The following MAP3K15 variants were observed in gnomAD, a reference collection of about 807,000 sequenced individuals.
MAP3K15 encodes the protein mitogen-activated protein kinase kinase kinase 15, also known as MAPK/ERK kinase kinase 15.
In MAP3K15, 124 loss-of-function variants were observed where a neutral mutation model predicts 99.5. The ratio of observed to expected loss-of-function variants is 1.25; its 90% CI spans 1.08 to 1.45. The LOEUF is 1.45. Among genes scored for constraint, MAP3K15 ranks in the 40% most tolerant of loss-of-function variants. The pLI is 0.00. For synonymous variants in MAP3K15, 494 were observed against 439.6 expected (o/e 1.12, Z -1.55); for missense variants, 1,242 against 1,079.7 (o/e 1.15, Z -2.11).
intron 6 of MAP3K15, among the ~76,000 whole-genome samples, chrX:19,436,797 C>T (rs2063925581): frequency 9.0e-6 from 1 of 111,623 alleles, no homozygotes. Context: ...CATGCCTCAG[C>T]CTCCCAAGTA....
At chrX:19,457,572 A>C (rs1029402359) in intron 5 of MAP3K15, among the ~76,000 whole-genome samples, 2 of 111,995 alleles carry the variant, frequency 1.8e-5, no homozygotes, top group African/African-American at 6.5e-5. Context: ...AGATTGTGCC[A>C]CTGCATTCCA....
At chrX:19,512,609 G>A (rs769247041) in intron 1 of MAP3K15, among the ~76,000 whole-genome samples, 1 of 109,333 alleles carries the variant, frequency 9.1e-6, no homozygotes, top group South Asian at 4.0e-4. Context: ...CAGGTAGCTG[G>A]GACCACAGGC....
At chrX:19,507,670 G>C (rs1006053827) in intron 1 of MAP3K15, among the ~76,000 whole-genome samples, 1 of 101,128 alleles carries the variant, frequency 9.9e-6, no homozygotes, top group African/African-American at 3.7e-5. Context: ...AGTATGATGT[G>C]TCAACATATG....
intron 1 of MAP3K15, among the ~76,000 whole-genome samples, chrX:19,509,751 A>G (rs2064505179): frequency 9.0e-6 from 1 of 111,663 alleles, no homozygotes; most frequent in East Asian, 2.8e-4. Flanking sequence ...ATTGGAGCAG[A>G]ACTGAAGGAA....
At chrX:19,510,637 C>G (rs750839631) in intron 1 of MAP3K15, among the ~76,000 whole-genome samples, 1 of 111,796 alleles carries the variant, frequency 8.9e-6, no homozygotes, top group South Asian at 3.7e-4. Context: ...CTGGCACAAG[C>G]CAGGGATGCC....
At position 19,488,918 on chromosome X, in the gene MAP3K15, G is replaced by T. The variant is rs1273764899; in HGVS notation, c.411C>A (p.Phe137Leu). Residue 137 changes from phenylalanine to leucine, a missense_variant, in exon 2 of 29, where the codon TTC (phenylalanine) becomes TTA (leucine). Coordinates refer to ENST00000338883, the MANE Select transcript of MAP3K15 (RefSeq NM_001001671.4). Reference sequence around the variant, plus strand: ...AGCTTTCTCGGACTCCAAGATGGTAGAAGAGGGAAGGCTGTCTGGAGACAT... The same window carrying T: ...AGCTTTCTCGGACTCCAAGATGGTATAAGAGGGAAGGCTGTCTGGAGACAT... ...MSDVSRQPSL[F>L]YHLGVRESFD... 8.3e-7 allele frequency: 1 copy of T among 1,199,052 alleles called. No homozygotes were observed. Among genetic ancestry groups the T allele is most frequent in the Admixed American group, 2.2e-5 (1 of 45,929 alleles).
At chrX:19,379,671 A>AC (rs1383471866) in intron 19 of MAP3K15, among the ~76,000 whole-genome samples, 1 of 109,869 alleles carries the variant, frequency 9.1e-6, no homozygotes, top group African/African-American at 3.3e-5. Flanking sequence ...CTAACTCCTG[A>AC]CCTCAGGTGA....
At chrX:19,480,531 C>A (rs1042635475) in intron 3 of MAP3K15, among the ~76,000 whole-genome samples, 1 of 107,765 alleles carries the variant, frequency 9.3e-6, no homozygotes, top group East Asian at 2.9e-4. Flanking sequence ...GGGCCGGGTG[C>A]GGGCCAGGCA....
At chrX:19,428,799 T>G (rs1421959625) in intron 7 of MAP3K15, among the ~76,000 whole-genome samples, 3 of 110,917 alleles carry the variant, frequency 2.7e-5, no homozygotes, top group African/African-American at 9.9e-5. Context: ...AAACCCCATC[T>G]CTATTAAAAA....
chrX:19,484,262 G>C (rs778047509), intron 3 of MAP3K15, among the ~76,000 whole-genome samples: 1 of 111,046 alleles, frequency 9.0e-6, no homozygotes, highest in African/African-American at 3.3e-5. Flanking sequence ...ATTCTTACAG[G>C]AGTGCAAACC....
rs1259535700 is a variant in MAP3K15, at chrX:19,451,042, T to A, written c.995+5871A>T. ...GGCTCACGCCTGTAACCCTGGCACT[T>A]TGGGAAGCCGAGGCAGGTGGATTAC... On this transcript the variant is annotated intron_variant, in intron 6 of 28. Transcript: ENST00000338883. Among the ~76,000 whole-genome samples the A allele has an allele frequency of 4.6e-5, 5 of 108,730 alleles. No individual in the cohort carries two copies. In the East Asian group the frequency reaches 1.4e-3, roughly 30 times the overall value. 94.4% of individuals were successfully genotyped at this position (108,730 alleles called of 115,157 possible).
intron 6 of MAP3K15, among the ~76,000 whole-genome samples, chrX:19,448,612 C>A (rs1030234187): frequency 1.8e-5 from 2 of 109,308 alleles, no homozygotes; most frequent in Non-Finnish European, 3.9e-5. Context: ...GAACTGTGTT[C>A]TTAAATCTCA....
chrX:19,434,485 GCCTCGGCCTCC>G (rs2063907810), intron 6 of MAP3K15, among the ~76,000 whole-genome samples: 1 of 108,250 alleles, frequency 9.2e-6, no homozygotes, highest in South Asian at 4.0e-4. Context: ...TGATCCACCC[GCCTCGGCCTCC>G]CAAAGTGCTG....
intron 6 of MAP3K15, among the ~76,000 whole-genome samples, chrX:19,432,744 C>T (rs2063893044): frequency 2.0e-5 from 2 of 100,583 alleles, no homozygotes; most frequent in Admixed American, 1.1e-4. Context: ...TTGAGACAGT[C>T]TCGCTTTGTC....
chrX:19,451,448 A>ATAT (rs201874310), intron 6 of MAP3K15, among the ~76,000 whole-genome samples: 2 of 81,696 alleles, frequency 2.4e-5, no homozygotes, highest in African/African-American at 1.0e-4. Context: ...ATATATATAT[A>ATAT]AAAAAAAAAA....
At chrX:19,386,459 A>AAAAC (rs895879017) in intron 18 of MAP3K15, among the ~76,000 whole-genome samples, 1 of 110,807 alleles carries the variant, frequency 9.0e-6, no homozygotes, top group Non-Finnish European at 1.9e-5. Context: ...CCATTTCAAC[A>AAAAC]AAACAAACAA....
At chrX:19,507,875 G>T (rs1473142257) in intron 1 of MAP3K15, among the ~76,000 whole-genome samples, 19 of 111,576 alleles carry the variant, frequency 1.7e-4, no homozygotes, top group Non-Finnish European at 3.8e-5. Flanking sequence ...CTAGGGTTTT[G>T]TTTTGTTTGA....
In MAP3K15 at chrX:19,509,892, A is replaced by G. The variant is rs1466978485; in HGVS notation, c.361+5009T>C. ...AAGAGAGAAGAATCAAATAGACACAATAGAAAATGATAAAGGGGCAATCAC... is the reference window on the plus strand; with the variant it reads ...AAGAGAGAAGAATCAAATAGACACAGTAGAAAATGATAAAGGGGCAATCAC... On this transcript the variant is annotated intron_variant, in intron 1 of 28. Transcript: ENST00000338883. 3.6e-5 allele frequency among the ~76,000 whole-genome samples: 4 copies of G among 111,896 alleles called. No homozygotes were observed. In the Admixed American group the frequency reaches 3.8e-4, roughly 11 times the overall value.
At chrX:19,425,838 T>C in intron 8 of MAP3K15, 148 bp from the exon 9 acceptor site, 1 of 586,828 alleles carries the variant, frequency 1.7e-6, no homozygotes, top group Non-Finnish European at 2.5e-6. Context: ...ATTCTAGTAG[T>C]ACGGGCACGG....
Sources: gnomAD v4.1 joint callset for allele counts (sites outside exome capture counted in the v4.1 genomes callset) on GRCh38, gnomAD v4.1.1 for gene constraint, MANE v1.5 for transcripts, NCBI Gene and HGNC (gene_info 2026-07-23, HGNC 2026-07-21) for gene names.